The following LINGO2 variants were observed in gnomAD, a reference collection of about 807,000 sequenced individuals.
The protein encoded by LINGO2 is leucine-rich repeat and immunoglobulin-like domain-containing nogo receptor-interacting protein 2.
LINGO2 carries 14 observed loss-of-function variants against 30.6 expected under a neutral mutation model. The ratio of observed to expected loss-of-function variants is 0.46; its 90% confidence interval spans 0.30 to 0.72. The LOEUF is 0.72. Ranked by LOEUF, LINGO2 falls within the 30% of genes least tolerant of loss-of-function variation. LINGO2 has a pLI of 0.07. For synonymous variants in LINGO2, 317 were observed against 288.5 expected (o/e 1.10, Z -1.00); for missense variants, 729 against 751.7 (o/e 0.97, Z 0.35).
chr9:28,772,228 C>T, the LINGO2 span, among the ~76,000 whole-genome samples: 1 of 152,120 alleles, frequency 6.6e-6, no homozygotes, highest in Non-Finnish European at 1.5e-5. Flanking sequence ...AGTAAGTGAC[C>T]TTTGAGTAAT....
rs145046911 is a variant in LINGO2, at chr9:28,451,984, G to A, written c.-279+23956C>T. On this transcript the variant is annotated intron_variant, in intron 2 of 5. Coordinates refer to ENST00000379992, the Ensembl canonical transcript of LINGO2. ...AAAATATACTGCAATAGAATATTGA[G>A]CATATGAAAAACTCTAACATTGAAA... Among the ~76,000 whole-genome samples the A allele has an allele frequency of 1.2e-3, 178 of 151,604 alleles. 2 individuals carry two copies. Among genetic ancestry groups the A allele is most frequent in the African/African-American group, 4.1e-3 (171 of 41,462 alleles).
chr9:28,628,433 G>A (rs1277505363), intron 1 of LINGO2, among the ~76,000 whole-genome samples: 5 of 152,102 alleles, frequency 3.3e-5, no homozygotes, highest in African/African-American at 7.2e-5. Flanking sequence ...TTGGCAGTTT[G>A]TATTTCAGTT....
chr9:28,305,890 G>T (rs540479607), intron 3 of LINGO2, among the ~76,000 whole-genome samples: 2 of 152,028 alleles, frequency 1.3e-5, no homozygotes, highest in Non-Finnish European at 2.9e-5. Flanking sequence ...ACATTTAAGA[G>T]ATACACTTGA....
chr9:29,151,839 T>C, the LINGO2 span, among the ~76,000 whole-genome samples: 15 of 152,274 alleles, frequency 9.9e-5, no homozygotes, highest in South Asian at 2.5e-3. Flanking sequence ...AGACAGATCA[T>C]TGAGGCAGAA....
Position 28,129,104 on chromosome 9 carries a change from C to T in LINGO2, c.-86-116699G>A, listed in dbSNP as rs1393254204. Among the ~76,000 whole-genome samples, 1 of 152,180 alleles carries T rather than the reference C, an allele frequency of 6.6e-6. No individual in the cohort carries two copies. Among genetic ancestry groups the T allele is most frequent in the Non-Finnish European group, 1.5e-5 (1 of 68,034 alleles). ...ACACCAGAGGTTTGCCAGAGGCTCT[C>T]AGGCCTTTGACCATAGAATGAAGCC... On this transcript the variant is annotated intron_variant, in intron 4 of 5. Transcript: ENST00000379992. The surrounding 1 kb of genome is among the most constrained non-coding windows in gnomAD (Gnocchi z 4.0).
exon 6 of LINGO2, chr9:27,948,945 C>A (rs199542934): frequency 6.2e-7 from 1 of 1,614,090 alleles, no homozygotes; most frequent in Admixed American, 1.7e-5. Flanking sequence ...AAGGTCAATG[C>A]TGTTTTTGTG....
At chr9:28,988,968 T>C in the LINGO2 span, among the ~76,000 whole-genome samples, 99,104 of 152,068 alleles carry the variant, frequency 0.65, 32,882 homozygotes, top group Non-Finnish European at 0.72. Flanking sequence ...CAGGGAAGTG[T>C]AACCTGATCC....
the LINGO2 span, among the ~76,000 whole-genome samples, chr9:29,008,697 A>T: frequency 2.0e-5 from 3 of 152,064 alleles, no homozygotes; most frequent in Non-Finnish European, 4.4e-5. Context: ...GCATTTTTTC[A>T]TGTGTCTGTT....
At chr9:28,520,815 A>C (rs891900402) in intron 1 of LINGO2, among the ~76,000 whole-genome samples, 1 of 152,240 alleles carries the variant, frequency 6.6e-6, no homozygotes, top group Admixed American at 6.5e-5. Flanking sequence ...TGAAGGTACA[A>C]TAATTTTTCA....
At chr9:28,873,292 C>T in the LINGO2 span, among the ~76,000 whole-genome samples, 1 of 150,022 alleles carries the variant, frequency 6.7e-6, no homozygotes. Flanking sequence ...ATCACTTGAA[C>T]TGGGGAGGCA....
chr9:28,117,744 A>C (rs534529705), intron 4 of LINGO2, among the ~76,000 whole-genome samples: 9 of 146,438 alleles, frequency 6.1e-5, no homozygotes, highest in Admixed American at 4.1e-4. Context: ...TTCCCAGGTG[A>C]GGCAATGCCT....
chr9:28,245,353 A>G (rs1381876054), intron 4 of LINGO2, among the ~76,000 whole-genome samples: 1 of 152,146 alleles, frequency 6.6e-6, no homozygotes, highest in East Asian at 1.9e-4. Context: ...GATATACTAA[A>G]TGGGCTAAAG....
At chr9:28,681,522 A>T in the LINGO2 span, among the ~76,000 whole-genome samples, 6 of 152,094 alleles carry the variant, frequency 3.9e-5, no homozygotes, top group Non-Finnish European at 8.8e-5. Context: ...AAAATGAAAC[A>T]AACAAACACA....
chr9:29,018,928 G>C, the LINGO2 span, among the ~76,000 whole-genome samples: 8 of 152,240 alleles, frequency 5.3e-5, no homozygotes, highest in Middle Eastern at 0.02. Flanking sequence ...AAAAAGACTT[G>C]AAGAAGCTCT....
At chr9:29,074,347 T>C in the LINGO2 span, among the ~76,000 whole-genome samples, 1 of 152,172 alleles carries the variant, frequency 6.6e-6, no homozygotes, top group Non-Finnish European at 1.5e-5. Flanking sequence ...ACATGTATCA[T>C]TGAATAAAAA....
chr9:28,091,860 AC>A (rs1439863919), intron 4 of LINGO2, among the ~76,000 whole-genome samples: 6 of 152,180 alleles, frequency 3.9e-5, no homozygotes, highest in African/African-American at 1.4e-4. Context: ...CAAGAAAAAA[AC>A]AACCCCATCA....
At chr9:28,680,642 AT>A in the LINGO2 span, among the ~76,000 whole-genome samples, 1 of 152,096 alleles carries the variant, frequency 6.6e-6, no homozygotes, top group South Asian at 2.1e-4. Flanking sequence ...ATCTTTTTTT[AT>A]CAGGTGTTAT....
the LINGO2 span, among the ~76,000 whole-genome samples, chr9:28,789,619 C>T: frequency 6.6e-6 from 1 of 152,090 alleles, no homozygotes; most frequent in Non-Finnish European, 1.5e-5. Context: ...CTAGAATTTA[C>T]ACCATGGTTA....
intron 1 of LINGO2, among the ~76,000 whole-genome samples, chr9:28,571,721 T>G (rs1823704514): frequency 6.6e-6 from 1 of 151,730 alleles, no homozygotes; most frequent in African/African-American, 2.4e-5. Context: ...TTATTTACTA[T>G]GGGCTTACCT....
Sources: allele counts gnomAD v4.1 joint callset (sites outside exome capture counted in the v4.1 genomes callset), GRCh38; gene constraint gnomAD v4.1.1; non-coding constraint Gnocchi (gnomAD v3.1); transcripts MANE v1.5; gene names NCBI Gene and HGNC (gene_info 2026-07-23, HGNC 2026-07-21).